Variants in NELL2 observed in about 807,000 individuals in gnomAD.
NELL2 encodes neural EGFL like 2.
NELL2 carries 41 observed loss-of-function variants against 109.6 expected under a neutral mutation model. The ratio of observed to expected loss-of-function variants is 0.37; its 90% CI spans 0.29 to 0.49. The LOEUF is 0.49. Among genes scored for constraint, NELL2 ranks in the 20% least tolerant of loss-of-function variants. NELL2 has a pLI of 0.98. For missense variants in NELL2, 900 were observed against 1,008.3 expected, an observed-to-expected ratio of 0.89 and a Z score of 1.45; for synonymous variants, 355 against 344.7, an observed-to-expected ratio of 1.03 and a Z score of -0.33.
chr12:44,575,569 C>A (rs1311249012), intron 15 of NELL2, among the ~76,000 whole-genome samples: 1 of 152,194 alleles, frequency 6.6e-6, no homozygotes, highest in Non-Finnish European at 1.5e-5. Context: ...GACTCTAAAG[C>A]AACTGCATTT....
At chr12:44,671,127 TAAC>T (rs1257346031) in intron 12 of NELL2, among the ~76,000 whole-genome samples, 1 of 152,018 alleles carries the variant, frequency 6.6e-6, no homozygotes, top group East Asian at 1.9e-4. Context: ...TAGAAATCAA[TAAC>T]AACAGAAATT....
In NELL2 at chr12:44,779,968, G is replaced by C. The variant is rs745524728; in HGVS notation, c.390C>G (p.Arg130=). 1 of 1,613,908 alleles carries C rather than the reference G, an allele frequency of 6.2e-7. No individual in the cohort carries two copies. The highest frequency in any genetic ancestry group is 8.5e-7 in the Non-Finnish European group (1 of 1,179,822). Residue 130 remains arginine, a synonymous_variant, in exon 4 of 20, where the codon CGC becomes CGG. Transcript: ENST00000429094. ...CTGTGTGAGGGCGGTGACTGCCTGA[G>C]CGGTAATGCAGTCTGACTTCATTCC... ...GHRNEVRLHY[R]SGSHRPHTEV...
intron 1 of NELL2, among the ~76,000 whole-genome samples, chr12:44,884,090 TATA>T (rs891880011): frequency 3.3e-4 from 50 of 151,750 alleles, no homozygotes; most frequent in Non-Finnish European, 4.7e-4. Context: ...CTACTTCAAA[TATA>T]ATGAGGTAAG....
intron 13 of NELL2, among the ~76,000 whole-genome samples, chr12:44,663,494 C>G (rs907691002): frequency 6.6e-6 from 1 of 152,114 alleles, no homozygotes; most frequent in Non-Finnish European, 1.5e-5. Flanking sequence ...ATTCTTGGCT[C>G]TGGTTTCTTA....
At chr12:44,860,510 CTTGTTTTCTTG>C (rs1173658648) in intron 2 of NELL2, among the ~76,000 whole-genome samples, 6 of 152,256 alleles carry the variant, frequency 3.9e-5, no homozygotes, top group Admixed American at 1.3e-4. Flanking sequence ...TAAGAGAAAA[CTTGTTTTCTTG>C]CTTTTTACAG....
chr12:44,550,291 T>A (rs543215615), intron 15 of NELL2, among the ~76,000 whole-genome samples: 1 of 152,020 alleles, frequency 6.6e-6, no homozygotes, highest in Non-Finnish European at 1.5e-5. Flanking sequence ...ATACAATGAC[T>A]ACATATATAT....
At chr12:44,521,907 G>A (rs576622742) in intron 18 of NELL2, 93 bp downstream of exon 18, 2 of 1,266,500 alleles carry the variant, frequency 1.6e-6, no homozygotes, top group African/African-American at 3.0e-5. Context: ...CTGTGGCCTG[G>A]TGCTAGGTAT....
chr12:44,631,656 C>T (rs566621349), intron 13 of NELL2, among the ~76,000 whole-genome samples: 1 of 152,002 alleles, frequency 6.6e-6, no homozygotes, highest in Non-Finnish European at 1.5e-5. Flanking sequence ...GGTAACAAGC[C>T]TATTTTGTAC....
intron 2 of NELL2, among the ~76,000 whole-genome samples, chr12:44,821,046 TACACACAC>T (rs10664645): frequency 6.7e-6 from 1 of 148,854 alleles, no homozygotes; most frequent in South Asian, 2.2e-4. Context: ...GCTTTATAAA[TACACACAC>T]ACACACACAC....
intron 9 of NELL2, among the ~76,000 whole-genome samples, chr12:44,746,500 A>G (rs1252682673): frequency 6.6e-6 from 1 of 152,218 alleles, no homozygotes; most frequent in Non-Finnish European, 1.5e-5. Flanking sequence ...CTACCATCAG[A>G]GTGAACAGGC....
intron 15 of NELL2, among the ~76,000 whole-genome samples, chr12:44,571,945 C>A (rs1943886249): frequency 6.6e-6 from 1 of 151,826 alleles, no homozygotes; most frequent in Admixed American, 6.6e-5. Context: ...ATACAATAAG[C>A]ACAATAAGCA....
intron 13 of NELL2, among the ~76,000 whole-genome samples, chr12:44,653,044 T>C (rs1432485585): frequency 1.3e-5 from 2 of 152,334 alleles, no homozygotes; most frequent in Non-Finnish European, 2.9e-5. Flanking sequence ...GTCCTTAACC[T>C]TAATCATATC....
intron 9 of NELL2, among the ~76,000 whole-genome samples, chr12:44,748,695 C>T (rs1940508570): frequency 6.6e-6 from 1 of 152,086 alleles, no homozygotes; most frequent in Non-Finnish European, 1.5e-5. Context: ...AGTCAGGCAG[C>T]TTTGGCTTAC....
intron 13 of NELL2, among the ~76,000 whole-genome samples, chr12:44,634,280 G>A (rs11613236): frequency 0.08 from 12,146 of 151,988 alleles, 572 homozygotes; most frequent in Non-Finnish European, 0.1. Context: ...CCATCAACCC[G>A]TCATCTACAT....
rs566086712 is a variant in NELL2 at position 44,686,727 on chromosome 12, G to A, written c.1318+16999C>T. Among the ~76,000 whole-genome samples, 500 of 152,206 alleles carry A rather than the reference G, an allele frequency of 3.3e-3. 5 individuals carry two copies. Among genetic ancestry groups the A allele is most frequent in the African/African-American group, 0.011 (455 of 41,496 alleles). On this transcript the variant is annotated intron_variant, in intron 12 of 19. Transcript: ENST00000429094. ...GGGGTGCCTCCCAGTTAGTCTGCTC[G>A]GGGGTCAGGGGTCAGGGACCCACTT... is the stretch of plus-strand genomic sequence containing the variant.
At chr12:44,587,309 T>TATATATATATATATATA (rs1565974434) in intron 15 of NELL2, among the ~76,000 whole-genome samples, 14 of 69,594 alleles carry the variant, frequency 2.0e-4, no homozygotes, top group South Asian at 8.3e-4. Context: ...ATATATATAT[T>TATATATATATATATATA]TTTTTTTAAA....
intron 13 of NELL2, among the ~76,000 whole-genome samples, chr12:44,615,150 G>GC (rs1450908643): frequency 2.0e-5 from 3 of 152,044 alleles, no homozygotes; most frequent in African/African-American, 7.2e-5. Context: ...ACAGGGGGTT[G>GC]CAAGAGATCA....
intron 2 of NELL2, among the ~76,000 whole-genome samples, chr12:44,860,644 C>T (rs1269367186): frequency 6.6e-6 from 1 of 152,196 alleles, no homozygotes; most frequent in African/African-American, 2.4e-5. Context: ...AATTACCTCC[C>T]TCTCCCACAA....
rs139052675 is a variant in NELL2 at position 44,520,146 on chromosome 12, C to T, written c.2259G>A (p.Pro753=). ...CCTGGCAAGGGTCTGTGACACAGCGCGGGCAGCACTCATTCTCTGGGAGAA... is the reference window on the plus strand; with the variant it reads ...CCTGGCAAGGGTCTGTGACACAGCGTGGGCAGCACTCATTCTCTGGGAGAA... The part of the protein sequence containing the change: ...FSILPENECC[P]RCVTDPCQAD... Residue 753 remains proline, a synonymous_variant, in exon 19 of 20, where the codon CCG becomes CCA. Coordinates refer to ENST00000429094, the MANE Select transcript of NELL2 (RefSeq NM_001145108.2). 167 of 1,613,986 alleles carry T rather than the reference C, an allele frequency of 1.0e-4. 2 individuals are homozygous for T. In the Admixed American group the frequency reaches 2.4e-3, roughly 23 times the overall value.
Sources: gnomAD v4.1 joint callset for allele counts (sites outside exome capture counted in the v4.1 genomes callset) on GRCh38, gnomAD v4.1.1 for gene constraint, MANE v1.5 for transcripts, NCBI Gene and HGNC (gene_info 2026-07-23, HGNC 2026-07-21) for gene names.